Variants in RAB38 observed in about 807,000 individuals in gnomAD.
RAB38 encodes the protein ras-related protein Rab-38.
Under a neutral mutation model 18.4 loss-of-function variants are expected in RAB38, and 15 were observed. That is an observed-to-expected ratio of 0.82 (90% confidence interval 0.55 to 1.26). RAB38 has a LOEUF of 1.26. RAB38 is among the 50% of genes most tolerant of loss of function. The pLI, the probability that RAB38 is intolerant of heterozygous loss-of-function variation, is 0.00. For missense variants in RAB38, 294 were observed against 267.4 expected, an observed-to-expected ratio of 1.10 and a Z score of -0.69; for synonymous variants, 101 against 104.4, an observed-to-expected ratio of 0.97 and a Z score of 0.20.
chr11:88,048,073 A>G, the RAB38 span, among the ~76,000 whole-genome samples: 2 of 152,002 alleles, frequency 1.3e-5, no homozygotes, highest in Admixed American at 6.6e-5. Flanking sequence ...CTGCAATTCT[A>G]CTACTCCTCA....
At chr11:87,875,024 T>A in the RAB38 span, among the ~76,000 whole-genome samples, 8 of 151,602 alleles carry the variant, frequency 5.3e-5, no homozygotes, top group Admixed American at 2.0e-4. Context: ...TTATTCACAA[T>A]AACCAAGATA....
At chr11:87,847,811 C>T in the RAB38 span, among the ~76,000 whole-genome samples, 1 of 152,084 alleles carries the variant, frequency 6.6e-6, no homozygotes, top group Admixed American at 6.6e-5. Flanking sequence ...CGGGACATGT[C>T]CTTTCACCGA....
chr11:88,062,084 G>A, the RAB38 span: 1 of 151,972 alleles, frequency 6.6e-6, no homozygotes, highest in Non-Finnish European at 1.5e-5. Flanking sequence ...ATGAATATTT[G>A]AAGAAATAGA....
the RAB38 span, among the ~76,000 whole-genome samples, chr11:87,962,006 T>G: frequency 6.6e-6 from 1 of 152,180 alleles, no homozygotes; most frequent in East Asian, 1.9e-4. Context: ...ATCTTAGGAC[T>G]GCTACCTGTG....
chr11:88,029,869 C>T, the RAB38 span, among the ~76,000 whole-genome samples: 4 of 152,208 alleles, frequency 2.6e-5, no homozygotes, highest in South Asian at 6.2e-4. Context: ...CAGCTCTGCA[C>T]CAAGCAGACC....
chr11:87,977,801 T>A, the RAB38 span, among the ~76,000 whole-genome samples: 3 of 107,238 alleles, frequency 2.8e-5, no homozygotes, highest in Non-Finnish European at 5.4e-5. Flanking sequence ...ATATATATTA[T>A]AGAGTTATAT....
At chr11:87,975,578 T>C in the RAB38 span, among the ~76,000 whole-genome samples, 2 of 151,866 alleles carry the variant, frequency 1.3e-5, no homozygotes, top group African/African-American at 2.4e-5. Context: ...CAATCTTTAA[T>C]AGACAACTGA....
intron 2 of RAB38, chr11:88,115,327 T>C (rs1185928384): frequency 6.6e-6 from 1 of 152,238 alleles, no homozygotes; most frequent in African/African-American, 2.4e-5. Context: ...TGGAAATACT[T>C]ATCCCTGATT....
intron 2 of RAB38, among the ~76,000 whole-genome samples, chr11:88,117,381 A>G (rs968758814): frequency 1.3e-5 from 2 of 152,314 alleles, no homozygotes; most frequent in East Asian, 3.9e-4. Context: ...AAATTTGTCA[A>G]GTAGAGCCAT....
chr11:87,840,988 C>G, the RAB38 span, among the ~76,000 whole-genome samples: 38 of 152,268 alleles, frequency 2.5e-4, no homozygotes, highest in African/African-American at 8.9e-4. Context: ...TAGGTCAAAT[C>G]CAAATTCCAT....
the RAB38 span, among the ~76,000 whole-genome samples, chr11:88,053,159 T>TAC: frequency 8.9e-6 from 1 of 111,950 alleles, no homozygotes; most frequent in Non-Finnish European, 1.8e-5. Context: ...AATATATATA[T>TAC]ACACACATAT....
intron 1 of RAB38, among the ~76,000 whole-genome samples, chr11:88,170,866 C>G (rs1368737418): frequency 1.4e-5 from 1 of 70,198 alleles, no homozygotes; most frequent in Non-Finnish European, 3.9e-5. Flanking sequence ...CAATATAAAA[C>G]TGGATTGGGT....
At chr11:87,956,613 T>C in the RAB38 span, among the ~76,000 whole-genome samples, 3 of 152,040 alleles carry the variant, frequency 2.0e-5, no homozygotes, top group Admixed American at 2.0e-4. Flanking sequence ...AATTAATAAT[T>C]TGTGGGAGCT....
At chr11:88,169,587 C>T (rs1356260261) in intron 1 of RAB38, among the ~76,000 whole-genome samples, 1 of 152,146 alleles carries the variant, frequency 6.6e-6, no homozygotes, top group African/African-American at 2.4e-5. Flanking sequence ...CCTGGGAATG[C>T]ATGAGATCCT....
At chr11:88,153,389 A>C (rs1943086574) in intron 1 of RAB38, among the ~76,000 whole-genome samples, 1 of 152,202 alleles carries the variant, frequency 6.6e-6, no homozygotes, top group Non-Finnish European at 1.5e-5. Flanking sequence ...ACTTCCAGTC[A>C]TCTTCTAACT....
At chr11:87,976,828 A>ACTT in the RAB38 span, among the ~76,000 whole-genome samples, 1 of 112,140 alleles carries the variant, frequency 8.9e-6, no homozygotes, top group Admixed American at 1.1e-4. Flanking sequence ...TACAATGTAT[A>ACTT]ATATAAATAT....
the RAB38 span, among the ~76,000 whole-genome samples, chr11:88,012,475 A>T: frequency 1.3e-5 from 2 of 152,116 alleles, no homozygotes; most frequent in East Asian, 3.8e-4. Context: ...TTTCCTAATA[A>T]AGTTTCTATT....
chr11:88,075,105 G>C, the RAB38 span, among the ~76,000 whole-genome samples: 4 of 152,142 alleles, frequency 2.6e-5, no homozygotes, highest in African/African-American at 9.7e-5. Flanking sequence ...AATAACTGGA[G>C]ACTTCAACAC....
chr11:87,903,376 T>A, the RAB38 span, among the ~76,000 whole-genome samples: 1 of 151,542 alleles, frequency 6.6e-6, no homozygotes, highest in Admixed American at 6.6e-5. Flanking sequence ...TGGATTTTTT[T>A]AGTAAGAATC....
Sources: gnomAD v4.1 joint callset for allele counts (sites outside exome capture counted in the v4.1 genomes callset) on GRCh38, gnomAD v4.1.1 for gene constraint, MANE v1.5 for transcripts, NCBI Gene and HGNC (gene_info 2026-07-23, HGNC 2026-07-21) for gene names.